The following KDM2A variants were observed in gnomAD, a reference collection of about 807,000 sequenced individuals.
KDM2A encodes the protein lysine demethylase 2A.
Under a neutral mutation model 137.3 loss-of-function variants are expected in KDM2A, and 3 were observed. The ratio of observed to expected loss-of-function variants is 0.02; its 90% CI spans 0.01 to 0.06. The LOEUF (loss-of-function observed/expected upper bound fraction) is 0.06. Among genes scored for constraint, KDM2A ranks in the 10% least tolerant of loss-of-function variants. KDM2A has a pLI of 1.00. For synonymous variants in KDM2A, 512 were observed against 541.5 expected (o/e 0.95, Z 0.76); for missense variants, 738 against 1,510.6 (o/e 0.49, Z 8.48).
At chr11:67,192,433 CT>C (rs921321640) in intron 5 of KDM2A, among the ~76,000 whole-genome samples, 546 of 70,354 alleles carry the variant, frequency 7.8e-3, no homozygotes, top group African/African-American at 0.018. Flanking sequence ...GTTTCCATTT[CT>C]TTTTTTTTTT....
chr11:67,142,972 T>A (rs1856148803), intron 2 of KDM2A, among the ~76,000 whole-genome samples: 1 of 151,532 alleles, frequency 6.6e-6, no homozygotes. Context: ...AAATCCCAGA[T>A]AGTATTACTT....
rs1030233822 is a variant in KDM2A, at chr11:67,257,897, A to G, written c.*2842A>G. ...TTTTGTTTTCCAAAAGTTCTCCACT[A>G]TTGGTTTTAGAGAGAGCAAGGACAT... is the stretch of plus-strand genomic sequence containing the variant. On this transcript the variant is annotated 3_prime_UTR_variant, in exon 21 of 21. Coordinates refer to ENST00000529006, the MANE Select transcript of KDM2A (RefSeq NM_012308.3). 2 of 152,152 alleles carry G rather than the reference A, an allele frequency of 1.3e-5. No homozygotes were observed. Among genetic ancestry groups the G allele is most frequent in the African/African-American group, 4.8e-5 (2 of 41,432 alleles). 9.4% of individuals were successfully genotyped at this position (152,152 alleles called of 1,614,324 possible).
At chr11:67,193,527 G>A (rs1857405925) in intron 5 of KDM2A, among the ~76,000 whole-genome samples, 1 of 152,144 alleles carries the variant, frequency 6.6e-6, no homozygotes, top group Non-Finnish European at 1.5e-5. Flanking sequence ...AAGAGTCACA[G>A]CCATGTTGTT....
chr11:67,167,291 G>C (rs149233515), intron 2 of KDM2A, among the ~76,000 whole-genome samples: 1 of 152,182 alleles, frequency 6.6e-6, no homozygotes, highest in Non-Finnish European at 1.5e-5. Flanking sequence ...TTGTTGCAGA[G>C]TTGTGATGAT....
In KDM2A at chr11:67,231,806, A is replaced by C; in HGVS notation, c.1325A>C (p.Gln442Pro). Residue 442 changes from glutamine (Q) to proline (P), a missense_variant, in exon 12 of 21, where the codon CAG becomes CCG. By Grantham distance (76) the Gln-to-Pro change is moderately conservative (BLOSUM62 -1). Around this residue, in one of 9 missense-constraint regions of KDM2A, gnomAD observed 113 missense variants for 133.5 expected, o/e 0.85. Transcript: ENST00000529006. ...GSHNGQVWDP[Q>P]CAPRKDRQVH... ...CACAATGGACAAGTGTGGGATCCCC[A>C]GTGTGCTCCCCGAAAGGACAGGCAA... 2 of 1,614,046 alleles carry C rather than the reference A, an allele frequency of 1.2e-6. No individual in the cohort carries two copies. Among genetic ancestry groups the C allele is most frequent in the Non-Finnish European group, 1.7e-6 (2 of 1,179,894 alleles).
Position 67,198,772 on chromosome 11 carries a change from T to C in KDM2A, c.308-8738T>C, listed in dbSNP as rs1857548304. Reference sequence around the variant, plus strand: ...TGGTGATCAGTAGTTTGTTTTGTTTTGTTTTGTTTTGTTTTGTTTTGTTTT... The same window carrying C: ...TGGTGATCAGTAGTTTGTTTTGTTTCGTTTTGTTTTGTTTTGTTTTGTTTT... On this transcript the variant is annotated intron_variant, in intron 5 of 20. Transcript: ENST00000529006. 6.2e-5 allele frequency among the ~76,000 whole-genome samples: 8 copies of C among 128,218 alleles called. No individual in the cohort carries two copies. The South Asian group carries it at 1.7e-3, about 27-fold the overall frequency. The allele number at this position is 128,218 out of a possible 152,430, so 84.1% of individuals were successfully genotyped here. A position where few individuals can be genotyped will look rare whatever the true frequency, so the allele number is the denominator to read the frequency against.
chr11:67,252,414 A>G, intron 17 of KDM2A: 1 of 433,592 alleles, frequency 2.3e-6, no homozygotes, highest in South Asian at 2.2e-5. Context: ...ATGGGTCCCT[A>G]ACAACTGTTG....
In KDM2A at chr11:67,231,866, G is replaced by A. The variant is rs750785218; in HGVS notation, c.1385G>A (p.Arg462His). The A allele has an allele frequency of 1.4e-5, 23 of 1,613,890 alleles. No individual in the cohort carries two copies. Among genetic ancestry groups the A allele is most frequent in the African/African-American group, 5.3e-5 (4 of 74,916 alleles). The change falls in exon 12 of 21, where the codon CGC becomes CAC. Residue 462 changes from arginine (R) to histidine (H), a missense_variant. By Grantham distance (29) the Arg-to-His change is conservative. Transcript: ENST00000529006. ...ACCCATTTTGAGCTTGAAGGCCTTCGCTGCCTTGTAGATAAGTTGGAGTCT... is the reference window on the plus strand; with the variant it reads ...ACCCATTTTGAGCTTGAAGGCCTTCACTGCCTTGTAGATAAGTTGGAGTCT... ...HLTHFELEGLRCLVDKLESLP... is the reference protein window; with the variant it reads ...HLTHFELEGLHCLVDKLESLP...
intron 12 of KDM2A, among the ~76,000 whole-genome samples, chr11:67,234,918 G>A (rs1053213473): frequency 6.6e-5 from 10 of 151,922 alleles, no homozygotes; most frequent in East Asian, 1.9e-4. Flanking sequence ...AAGCTGAGGC[G>A]GGCGGATCAT....
intron 2 of KDM2A, among the ~76,000 whole-genome samples, chr11:67,130,048 C>T (rs1464552767): frequency 4.6e-5 from 7 of 151,180 alleles, no homozygotes; most frequent in East Asian, 2.0e-4. Flanking sequence ...CTGCAACCTC[C>T]GCCTCCCGGG....
At chr11:67,221,160 G>A (rs1246434203) in intron 10 of KDM2A, among the ~76,000 whole-genome samples, 1 of 152,130 alleles carries the variant, frequency 6.6e-6, no homozygotes, top group Non-Finnish European at 1.5e-5. Flanking sequence ...AATTCTAATT[G>A]GTAAGGGCTG....
intron 5 of KDM2A, among the ~76,000 whole-genome samples, chr11:67,191,675 TAAAAG>T (rs1215273106): frequency 4.6e-5 from 7 of 151,996 alleles, no homozygotes; most frequent in Non-Finnish European, 1.0e-4. Context: ...AAACTAGAAA[TAAAAG>T]GAAACTACCT....
At chr11:67,247,907 T>C (rs995911217) in intron 15 of KDM2A, among the ~76,000 whole-genome samples, 4 of 152,228 alleles carry the variant, frequency 2.6e-5, no homozygotes, top group Non-Finnish European at 5.9e-5. Flanking sequence ...TTAAATTCTT[T>C]ACACAATGAA....
At chr11:67,155,167 A>G (rs1163416679) in intron 2 of KDM2A, among the ~76,000 whole-genome samples, 1 of 151,918 alleles carries the variant, frequency 6.6e-6, no homozygotes, top group Non-Finnish European at 1.5e-5. Flanking sequence ...GGTGCCTGCC[A>G]CCACACCCAG....
chr11:67,200,651 G>C (rs1028640699), intron 5 of KDM2A, among the ~76,000 whole-genome samples: 2 of 152,048 alleles, frequency 1.3e-5, no homozygotes, highest in Non-Finnish European at 2.9e-5. Flanking sequence ...GGGACTACAA[G>C]CACATGCCAA....
At chr11:67,161,843 G>A (rs576407075) in intron 2 of KDM2A, among the ~76,000 whole-genome samples, 1 of 152,264 alleles carries the variant, frequency 6.6e-6, no homozygotes, top group African/African-American at 2.4e-5. Context: ...TATCATGTGT[G>A]ATGATAATGC....
chr11:67,164,728 C>G (rs1856703479), intron 2 of KDM2A, among the ~76,000 whole-genome samples: 2 of 151,822 alleles, frequency 1.3e-5, no homozygotes, highest in South Asian at 2.1e-4. Flanking sequence ...TCAAGCGATT[C>G]TTCTGCCTCA....
At chr11:67,213,245 T>C (rs1023431355) in intron 6 of KDM2A, among the ~76,000 whole-genome samples, 1 of 152,214 alleles carries the variant, frequency 6.6e-6, no homozygotes, top group Admixed American at 6.5e-5. Context: ...AATACGTAGA[T>C]GTTGTTACAA....
At chr11:67,131,614 A>G (rs1213273431) in intron 2 of KDM2A, among the ~76,000 whole-genome samples, 2 of 151,746 alleles carry the variant, frequency 1.3e-5, no homozygotes, top group East Asian at 3.9e-4. Context: ...GTTTTACCAT[A>G]TTGGCCAGGC....
Sources: gnomAD v4.1 joint callset for allele counts (sites outside exome capture counted in the v4.1 genomes callset) on GRCh38, gnomAD v4.1.1 for gene constraint, gnomAD v4.1.1 regional missense constraint, MANE v1.5 for transcripts, NCBI Gene and HGNC (gene_info 2026-07-23, HGNC 2026-07-21) for gene names.